The following PCSK5 variants were observed in gnomAD, a reference collection of about 807,000 sequenced individuals.
PCSK5 encodes the protein proprotein convertase subtilisin/kexin type 5, also known as prohormone convertase 5.
PCSK5 carries 129 observed loss-of-function variants against 233.2 expected under a neutral mutation model. That is an observed-to-expected ratio of 0.55 (90% CI 0.48 to 0.64). The LOEUF (loss-of-function observed/expected upper bound fraction) is 0.64, where lower values mean the gene tolerates loss of function less well. Ranked by LOEUF, PCSK5 falls within the 30% of genes least tolerant of loss-of-function variation. PCSK5 has a pLI of 0.00. For missense variants in PCSK5, 2,076 were observed against 2,430.1 expected (o/e 0.85, Z 3.06); for synonymous variants, 825 against 879.2 (o/e 0.94, Z 1.09).
Position 76,332,542 on chromosome 9 carries a change from G to A in PCSK5, c.4680G>A (p.Arg1560=). The A allele has an allele frequency of 6.2e-7, 1 of 1,612,590 alleles. No individual in the cohort carries two copies. Among genetic ancestry groups the A allele is most frequent in the Non-Finnish European group, 8.5e-7 (1 of 1,179,740 alleles). The change falls in exon 34 of 38, where the codon AGG becomes AGA. Residue 1560 remains arginine (R), a synonymous_variant. Coordinates refer to ENST00000674117, the MANE Select transcript of PCSK5 (RefSeq NM_001372043.1). The stretch of plus-strand genomic sequence containing the variant: ...GGACATGTGAAGGGAGACACAGCAG[G>A]CAGTGCCACTCCTGCCGACCGGGCT... ...SCRTCEGRHS[R]QCHSCRPGWF...
At chr9:75,991,290 CT>C (rs1435369029) in intron 3 of PCSK5, among the ~76,000 whole-genome samples, 2 of 152,140 alleles carry the variant, frequency 1.3e-5, no homozygotes, top group South Asian at 2.1e-4. Context: ...CCTCCCACCC[CT>C]GGCACAGAAT....
At chr9:76,281,771 C>G (rs1827872470) in intron 24 of PCSK5, among the ~76,000 whole-genome samples, 1 of 152,192 alleles carries the variant, frequency 6.6e-6, no homozygotes, top group African/African-American at 2.4e-5. Context: ...ACCTCAGCCT[C>G]CTGGGTTTCT....
rs1046341643 is a variant in PCSK5 at position 75,890,823 on chromosome 9, G to A, written c.-359G>A. On this transcript the variant is annotated 5_prime_UTR_variant, in exon 1 of 38. Transcript: ENST00000674117. ...TCTCCGCCGCGCTCGGGGGCCCCGG[G>A]AGGAGCGAGACCGAGTCGGAGAGTC... The A allele has an allele frequency of 9.4e-6, 2 of 212,860 alleles. No homozygotes were observed. The highest frequency in any genetic ancestry group is 1.9e-5 in the Non-Finnish European group (2 of 107,202). The allele number at this position is 212,860 out of a possible 1,614,324, so 13.2% of individuals were successfully genotyped here. A position where few individuals can be genotyped will look rare whatever the true frequency, so the allele number is the denominator to read the frequency against.
intron 5 of PCSK5, among the ~76,000 whole-genome samples, chr9:76,043,335 CAAAAAAAAAAA>C (rs71372040): frequency 4.7e-5 from 3 of 64,022 alleles, no homozygotes; most frequent in Non-Finnish European, 8.6e-5. Flanking sequence ...GACTCCATCT[CAAAAAAAAAAA>C]AAAAAAAAAA....
chr9:76,054,119 C>A (rs556510983), intron 5 of PCSK5, among the ~76,000 whole-genome samples: 1 of 152,092 alleles, frequency 6.6e-6, no homozygotes, highest in African/African-American at 2.4e-5. Context: ...ATAAGACTTA[C>A]TATCACAAGA....
intron 23 of PCSK5, among the ~76,000 whole-genome samples, chr9:76,239,645 G>A (rs933205079): frequency 1.4e-5 from 2 of 146,688 alleles, no homozygotes; most frequent in African/African-American, 2.5e-5. Context: ...GCAGTGATCC[G>A]AGATCACACC....
At chr9:76,125,805 T>A (rs1231776659) in intron 9 of PCSK5, among the ~76,000 whole-genome samples, 1 of 152,216 alleles carries the variant, frequency 6.6e-6, no homozygotes, top group Non-Finnish European at 1.5e-5. Flanking sequence ...CCAAGGTCTA[T>A]GTGGGGTTTT....
chr9:76,243,005 G>C lies in PCSK5; in HGVS notation c.3142+2321G>C, dbSNP rs553942550. Among the ~76,000 whole-genome samples, 3 of 152,306 alleles carry C rather than the reference G, an allele frequency of 2.0e-5. No homozygotes were observed. In the South Asian group the frequency reaches 6.2e-4, roughly 32 times the overall value. ...GGATCTTATCATGGAGGTGGGAACA[G>C]TGACAAGAAAACCATGGTCACTAGG... On this transcript the variant is annotated intron_variant, in intron 24 of 37. Transcript: ENST00000674117.
At chr9:76,016,951 T>C (rs780552306) in intron 3 of PCSK5, among the ~76,000 whole-genome samples, 32 of 151,472 alleles carry the variant, frequency 2.1e-4, no homozygotes, top group Non-Finnish European at 3.8e-4. Flanking sequence ...TCTCCCAACC[T>C]CCACTATTTT....
chr9:76,126,458 A>G (rs545595521), intron 9 of PCSK5, among the ~76,000 whole-genome samples: 1 of 152,274 alleles, frequency 6.6e-6, no homozygotes, highest in East Asian at 1.9e-4. Flanking sequence ...TACTAAAAAT[A>G]CAAAATTAGC....
chr9:76,064,059 T>C (rs1830148472), intron 5 of PCSK5, among the ~76,000 whole-genome samples: 1 of 99,164 alleles, frequency 1.0e-5, no homozygotes, highest in African/African-American at 5.2e-5. Context: ...GCAGAGGGGC[T>C]CCTCACTTCC....
chr9:76,282,245 C>T (rs1827899210), intron 24 of PCSK5, among the ~76,000 whole-genome samples: 1 of 142,576 alleles, frequency 7.0e-6, no homozygotes, highest in African/African-American at 2.6e-5. Flanking sequence ...ATCCTCCTGA[C>T]TAGCTAGGAC....
At chr9:75,968,849 G>T (rs994364506) in intron 2 of PCSK5, among the ~76,000 whole-genome samples, 3 of 152,174 alleles carry the variant, frequency 2.0e-5, no homozygotes, top group Non-Finnish European at 4.4e-5. Flanking sequence ...TGAAAACTTC[G>T]TGTGACCTTC....
chr9:75,963,220 G>A (rs1358727485), intron 2 of PCSK5, among the ~76,000 whole-genome samples: 1 of 152,118 alleles, frequency 6.6e-6, no homozygotes, highest in Non-Finnish European at 1.5e-5. Flanking sequence ...GAGAGAGATG[G>A]CTCTACTAAC....
At chr9:76,043,421 T>A (rs564557522) in intron 5 of PCSK5, among the ~76,000 whole-genome samples, 1 of 151,616 alleles carries the variant, frequency 6.6e-6, no homozygotes, top group African/African-American at 2.4e-5. Context: ...AAAAAAAGAC[T>A]GCAATTTTCA....
chr9:76,148,199 C>T (rs550037373), intron 10 of PCSK5, among the ~76,000 whole-genome samples: 2 of 150,644 alleles, frequency 1.3e-5, no homozygotes, highest in East Asian at 4.0e-4. Flanking sequence ...TAGATCAACC[C>T]GGTCTAGATC....
At chr9:76,103,862 TGGG>T (rs974264176) in intron 8 of PCSK5, among the ~76,000 whole-genome samples, 2 of 152,116 alleles carry the variant, frequency 1.3e-5, no homozygotes, top group African/African-American at 4.8e-5. Context: ...TGTAGTGAAT[TGGG>T]GGGATTTGGA....
At chr9:75,925,603 G>C (rs1456952329) in intron 1 of PCSK5, among the ~76,000 whole-genome samples, 4 of 152,174 alleles carry the variant, frequency 2.6e-5, no homozygotes, top group African/African-American at 7.2e-5. Context: ...TTTTAAATTG[G>C]GTGGTCACAG....
chr9:76,302,106 A>AG lies in PCSK5; in HGVS notation c.3524-31_3524-30insG, dbSNP rs1564167637. ...TCTTTATCCTTTTTGCATTAAAAAA[A>AG]AACTAAACACTTTTTTTTTTAATAA... is the stretch of plus-strand genomic sequence containing the variant. On this transcript the variant is annotated intron_variant, in intron 27 of 37. Transcript: ENST00000674117. 5.2e-6 allele frequency: 6 copies of AG among 1,143,098 alleles called. No individual in the cohort carries two copies. The South Asian group carries it at 5.6e-5, about 11-fold the overall frequency. 70.8% of individuals were successfully genotyped at this position (1,143,098 alleles called of 1,614,324 possible).
Sources: allele counts gnomAD v4.1 joint callset (sites outside exome capture counted in the v4.1 genomes callset), GRCh38; gene constraint gnomAD v4.1.1; transcripts MANE v1.5; gene names NCBI Gene and HGNC (gene_info 2026-07-23, HGNC 2026-07-21).